Variants in ZC3H14 observed in about 807,000 individuals in gnomAD.
ZC3H14 encodes the protein zinc finger CCCH-type containing 14.
ZC3H14 carries 31 observed loss-of-function variants against 92.4 expected under a neutral mutation model. The ratio of observed to expected loss-of-function variants is 0.34; its 90% CI spans 0.25 to 0.45. The LOEUF (loss-of-function observed/expected upper bound fraction) is 0.45, where lower values mean the gene tolerates loss of function less well. Ranked by LOEUF, ZC3H14 falls within the 20% of genes least tolerant of loss-of-function variation. The pLI, the probability that ZC3H14 is intolerant of heterozygous loss-of-function variation, is 1.00. For missense variants in ZC3H14, 781 were observed against 897.3 expected (o/e 0.87, Z 1.66); for synonymous variants, 321 against 300.9 (o/e 1.07, Z -0.69).
At chr14:88,601,408 C>T (rs2084631553) in intron 10 of ZC3H14, among the ~76,000 whole-genome samples, 1 of 152,170 alleles carries the variant, frequency 6.6e-6, no homozygotes, top group Admixed American at 6.5e-5. Context: ...GTTTAAGTGT[C>T]CATTCACCTT....
chr14:88,621,340 A>C lies in ZC3H14; in HGVS notation c.*9589A>C, dbSNP rs374668618. The C allele has an allele frequency of 3.7e-6, 6 of 1,607,792 alleles. No homozygotes were observed. In the African/African-American group the frequency reaches 6.7e-5, roughly 18 times the overall value. ...AGGACCAATACAGTGAATGTAATACAACAGCTGCTTTTCTTCTTCATAATA... is the reference window on the plus strand; with the variant it reads ...AGGACCAATACAGTGAATGTAATACCACAGCTGCTTTTCTTCTTCATAATA... On this transcript the variant is annotated 3_prime_UTR_variant, in exon 17 of 17. Coordinates refer to ENST00000251038, the MANE Select transcript of ZC3H14 (RefSeq NM_024824.5).
chr14:88,570,106 A>C (rs2080202756), intron 3 of ZC3H14, among the ~76,000 whole-genome samples: 1 of 152,220 alleles, frequency 6.6e-6, no homozygotes, highest in Non-Finnish European at 1.5e-5. Context: ...TTTAAAACCA[A>C]ATTAATTCAA....
Position 88,603,060 on chromosome 14 carries a change from G to C in ZC3H14, c.1747G>C (p.Ala583Pro). Residue 583 changes from alanine (A) to proline (P), a missense_variant and splice_region_variant, in exon 12 of 17, where the codon GCT becomes CCT. Physicochemically the swap from Ala to Pro is conservative, Grantham distance 27. Coordinates refer to ENST00000251038, the MANE Select transcript of ZC3H14 (RefSeq NM_024824.5). ...LEDPNGSFSN[A>P]EMSELSVAQK... ...GGACCCAAATGGTAGCTTTTCTAAC[G>C]GTGTGTTGAGAGCTCAGATTTTCAG... The C allele has an allele frequency of 6.2e-7, 1 of 1,613,960 alleles. No individual in the cohort carries two copies. Among genetic ancestry groups the C allele is most frequent in the Non-Finnish European group, 8.5e-7 (1 of 1,179,896 alleles).
chr14:88,578,348 C>G (rs1338593981), intron 9 of ZC3H14, among the ~76,000 whole-genome samples: 2 of 152,060 alleles, frequency 1.3e-5, no homozygotes, highest in Admixed American at 6.6e-5. Flanking sequence ...TGCTGTGTTG[C>G]CCAGGCAGTC....
Position 88,627,016 on chromosome 14 carries a change from T to C in ZC3H14, c.*15265T>C, listed in dbSNP as rs2090020230. The C allele has an allele frequency of 4.3e-6, 7 of 1,613,812 alleles. No homozygotes were observed. Among genetic ancestry groups the C allele is most frequent in the Non-Finnish European group, 5.1e-6 (6 of 1,179,838 alleles). ...GAATTCTGCCACAAAAATACGTTGA[T>C]TGTGACCAGCTCTGCTGGCAATTTT... On this transcript the variant is annotated 3_prime_UTR_variant, in exon 17 of 17. Coordinates refer to ENST00000251038, the MANE Select transcript of ZC3H14 (RefSeq NM_024824.5).
chr14:88,614,637 A>G lies in ZC3H14; in HGVS notation c.*2886A>G, dbSNP rs1213552795. 6.6e-6 allele frequency: 1 copy of G among 152,242 alleles called. No homozygotes were observed. The highest frequency in any genetic ancestry group is 1.9e-4 in the East Asian group (1 of 5,202). The allele number at this position is 152,242 out of a possible 1,614,324, so 9.4% of individuals were successfully genotyped here. A position where few individuals can be genotyped will look rare whatever the true frequency, so the allele number is the denominator to read the frequency against. On this transcript the variant is annotated 3_prime_UTR_variant, in exon 17 of 17. Transcript: ENST00000251038. ...AATATATTTTTAAATAGCAGTCTAC[A>G]TAATTTTCAATCTTCAGGAAACTAC...
intron 16 of ZC3H14, among the ~76,000 whole-genome samples, chr14:88,611,331 G>A (rs1188289483): frequency 6.6e-6 from 1 of 152,040 alleles, no homozygotes; most frequent in Non-Finnish European, 1.5e-5. Flanking sequence ...GAGCTGAAGC[G>A]ATATCCTTCC....
chr14:88,622,803 ATC>A lies in ZC3H14; in HGVS notation c.*11054_*11055del. On this transcript the variant is annotated 3_prime_UTR_variant, in exon 17 of 17. Coordinates refer to ENST00000251038, the MANE Select transcript of ZC3H14 (RefSeq NM_024824.5). Reference sequence around the variant, plus strand: ...AAACAAATACCAAGTTATAAGCAGAATCTTTTTTTTTTAAAAAGGCCCTGATA... The same window carrying A: ...AAACAAATACCAAGTTATAAGCAGAATTTTTTTTTTAAAAAGGCCCTGATA... 1.3e-6 allele frequency: 1 copy of A among 791,076 alleles called. No individual in the cohort carries two copies. The allele number at this position is 791,076 out of a possible 1,614,324, so 49.0% of individuals were successfully genotyped here. A position where few individuals can be genotyped will look rare whatever the true frequency, so the allele number is the denominator to read the frequency against.
rs762526660 is a variant in ZC3H14, at chr14:88,626,374, C to T, written c.*14623C>T. ...TGGTGGCTCATGCCTGTAAACCCAG[C>T]ACTTTGGGAGGTCAAGATGGGAGGA... On this transcript the variant is annotated 3_prime_UTR_variant, in exon 17 of 17. Coordinates refer to ENST00000251038, the MANE Select transcript of ZC3H14 (RefSeq NM_024824.5). 1.1e-4 allele frequency: 18 copies of T among 158,460 alleles called. No homozygotes were observed. The highest frequency in any genetic ancestry group is 2.1e-4 in the Non-Finnish European group (15 of 71,502). 9.8% of individuals were successfully genotyped at this position (158,460 alleles called of 1,614,324 possible). A position where few individuals can be genotyped will look rare whatever the true frequency, so the allele number is the denominator to read the frequency against.
Position 88,603,039 on chromosome 14 carries a change from C to T in ZC3H14, c.1726C>T (p.Pro576Ser), listed in dbSNP as rs760344473. Residue 576 changes from proline (P) to serine (S), a missense_variant, in exon 12 of 17, where the codon CCA (proline) becomes TCA (serine). By Grantham distance (74) the Pro-to-Ser change is moderately conservative. Coordinates refer to ENST00000251038, the MANE Select transcript of ZC3H14 (RefSeq NM_024824.5). ...CTTGCTGAGCAGGCAGCTTGAGGAC[C>T]CAAATGGTAGCTTTTCTAACGGTGT... ...LHLLSRQLED[P>S]NGSFSNAEMS... 1 of 1,614,154 alleles carries T rather than the reference C, an allele frequency of 6.2e-7. No homozygotes were observed. Among genetic ancestry groups the T allele is most frequent in the Admixed American group, 1.7e-5 (1 of 60,016 alleles).
chr14:88,564,940 T>C (rs1369986728), intron 2 of ZC3H14, among the ~76,000 whole-genome samples: 2 of 152,286 alleles, frequency 1.3e-5, no homozygotes, highest in East Asian at 3.9e-4. Context: ...GACAAACTGG[T>C]TACATACACT....
At chr14:88,570,631 G>T (rs576293819) in intron 3 of ZC3H14, among the ~76,000 whole-genome samples, 1 of 152,172 alleles carries the variant, frequency 6.6e-6, no homozygotes, top group South Asian at 2.1e-4. Context: ...TTACAAACAG[G>T]GTGACATATT....
chr14:88,616,358 C>T lies in ZC3H14; in HGVS notation c.*4607C>T, dbSNP rs2087614791. 5.1e-6 allele frequency: 5 copies of T among 987,698 alleles called. No individual in the cohort carries two copies. Among genetic ancestry groups the T allele is most frequent in the East Asian group, 4.9e-5 (2 of 40,940 alleles). The allele number at this position is 987,698 out of a possible 1,614,324, so 61.2% of individuals were successfully genotyped here. Reference sequence around the variant, plus strand: ...TGTGGAGAGAGTAGGGAGTTAGCACCGCAGCCAGTGATTAGAATGCTTTTC... The same window carrying T: ...TGTGGAGAGAGTAGGGAGTTAGCACTGCAGCCAGTGATTAGAATGCTTTTC... On this transcript the variant is annotated 3_prime_UTR_variant, in exon 17 of 17. Coordinates refer to ENST00000251038, the MANE Select transcript of ZC3H14 (RefSeq NM_024824.5).
chr14:88,589,786 G>A (rs1312170679), intron 9 of ZC3H14: 2 of 152,116 alleles, frequency 1.3e-5, no homozygotes, highest in African/African-American at 4.8e-5. Flanking sequence ...TCTACCTCCA[G>A]ATTTATAGAA....
chr14:88,569,839 T>A (rs569935071), intron 3 of ZC3H14, among the ~76,000 whole-genome samples: 5 of 152,316 alleles, frequency 3.3e-5, no homozygotes, highest in Admixed American at 6.5e-5. Flanking sequence ...TTGCACAAAT[T>A]TGAAGAACAT....
At chr14:88,566,812 C>T (rs879625494) in intron 2 of ZC3H14, among the ~76,000 whole-genome samples, 8 of 151,666 alleles carry the variant, frequency 5.3e-5, no homozygotes, top group South Asian at 2.1e-4. Flanking sequence ...CCCAGCTACT[C>T]GGGAGGCTGA....
Position 88,615,600 on chromosome 14 carries a change from A to G in ZC3H14, c.*3849A>G, listed in dbSNP as rs2087470202. ...CCATCAAGTATTCGATCCTTCCTTGAAATGGCATTATCTGGCAGTGTATGG... is the reference window on the plus strand; with the variant it reads ...CCATCAAGTATTCGATCCTTCCTTGGAATGGCATTATCTGGCAGTGTATGG... On this transcript the variant is annotated 3_prime_UTR_variant, in exon 17 of 17. Transcript: ENST00000251038. The G allele has an allele frequency of 2.1e-6, 1 of 485,170 alleles. No homozygotes were observed. Among genetic ancestry groups the G allele is most frequent in the Admixed American group, 3.9e-5 (1 of 25,902 alleles). The allele number at this position is 485,170 out of a possible 1,614,324, so 30.1% of individuals were successfully genotyped here.
Position 88,618,238 on chromosome 14 carries a change from T to C in ZC3H14, c.*6487T>C, listed in dbSNP as rs1811813423. On this transcript the variant is annotated 3_prime_UTR_variant, in exon 17 of 17. Coordinates refer to ENST00000251038, the MANE Select transcript of ZC3H14 (RefSeq NM_024824.5). ...TATATAAGTATTTACCTAGTCCATG[T>C]AGCCCAAGTAATTCTGTCAATAGCG... is the stretch of plus-strand genomic sequence containing the variant. 1.2e-6 allele frequency: 2 copies of C among 1,613,596 alleles called. No homozygotes were observed. The highest frequency in any genetic ancestry group is 1.6e-4 in the Middle Eastern group (1 of 6,084).
At chr14:88,600,486 G>A (rs1367353268) in intron 10 of ZC3H14, among the ~76,000 whole-genome samples, 1 of 146,166 alleles carries the variant, frequency 6.8e-6, no homozygotes, top group Admixed American at 7.0e-5. Context: ...TCTGTCACTC[G>A]TGCTGGAGTG....
Sources: gnomAD v4.1 joint callset for allele counts (sites outside exome capture counted in the v4.1 genomes callset) on GRCh38, gnomAD v4.1.1 for gene constraint, MANE v1.5 for transcripts, NCBI Gene and HGNC (gene_info 2026-07-23, HGNC 2026-07-21) for gene names.